The following HSBP1L1 variants were observed in gnomAD, a reference collection of about 807,000 sequenced individuals.
The protein encoded by HSBP1L1 is heat shock factor-binding protein 1-like protein 1.
In HSBP1L1, 8 loss-of-function variants were observed where a neutral mutation model predicts 9.7. That is an observed-to-expected ratio of 0.82 (90% CI 0.48 to 1.48). The LOEUF (loss-of-function observed/expected upper bound fraction) is 1.48, where lower values mean the gene tolerates loss of function less well. Ranked by LOEUF, HSBP1L1 falls within the 40% of genes most tolerant of loss-of-function variation. The pLI is 0.00. For synonymous variants in HSBP1L1, 39 were observed against 34.4 expected (o/e 1.13, Z -0.46); for missense variants, 106 against 95.8 (o/e 1.11, Z -0.44).
In HSBP1L1 at chr18:79,970,594, T is replaced by G; in HGVS notation, c.*143T>G. 1.6e-6 allele frequency: 1 copy of G among 641,248 alleles called. No individual in the cohort carries two copies. The highest frequency in any genetic ancestry group is 2.2e-5 in the Admixed American group (1 of 44,648). The allele number at this position is 641,248 out of a possible 1,614,324, so 39.7% of individuals were successfully genotyped here. ...GCTCGCCTGCTCTCCCCTCCGTGCC[T>G]GCACCAGAGAAGGAGGCCATCGGCA... On this transcript the variant is annotated 3_prime_UTR_variant, in exon 4 of 4. Coordinates refer to ENST00000451882, the MANE Select transcript of HSBP1L1 (RefSeq NM_001136180.2).
Position 79,966,603 on chromosome 18 carries a change from T to G in HSBP1L1, c.52-9T>G. On this transcript the variant is annotated splice_polypyrimidine_tract_variant and intron_variant, in intron 1 of 3. Transcript: ENST00000451882. ...ATTTATTCAATTGTCTTACGGTTTA[T>G]TTTTTCAGGCAGAAAATCTATTTCA... is the stretch of plus-strand genomic sequence containing the variant. 2 of 1,546,062 alleles carry G rather than the reference T, an allele frequency of 1.3e-6. No individual in the cohort carries two copies. Among genetic ancestry groups the G allele is most frequent in the Non-Finnish European group, 1.8e-6 (2 of 1,142,484 alleles).
At chr18:79,969,339 GAAAGAAAGAAA>G (rs1259939665) in intron 3 of HSBP1L1, among the ~76,000 whole-genome samples, 5 of 18,818 alleles carry the variant, frequency 2.7e-4, no homozygotes, top group African/African-American at 6.4e-4. Context: ...GAAAAAGAAA[GAAAGAAAGAAA>G]GAAAGAAAGA....
rs2051290030 is a variant in HSBP1L1 at position 79,970,489 on chromosome 18, G to A, written c.*38G>A. 1.4e-6 allele frequency: 1 copy of A among 718,318 alleles called. No homozygotes were observed. The highest frequency in any genetic ancestry group is 1.7e-5 in the African/African-American group (1 of 57,234). 44.5% of individuals were successfully genotyped at this position (718,318 alleles called of 1,614,324 possible). A position where few individuals can be genotyped will look rare whatever the true frequency, so the allele number is the denominator to read the frequency against. On this transcript the variant is annotated 3_prime_UTR_variant, in exon 4 of 4. Coordinates refer to ENST00000451882, the MANE Select transcript of HSBP1L1 (RefSeq NM_001136180.2). ...TGTATTTGGAGATGGGGCCTCTACA[G>A]AAGTCATTAAGGTTACATCGGTCCT...
chr18:79,969,399 A>C lies in HSBP1L1; in HGVS notation c.214-1041A>C, dbSNP rs2051282929. On this transcript the variant is annotated intron_variant, in intron 3 of 3. Coordinates refer to ENST00000451882, the MANE Select transcript of HSBP1L1 (RefSeq NM_001136180.2). ...AGAAAGAAAGAAAGAAAGAAAAAAA[A>C]ACGATGCAGAATAGCGCCCACGTTG... is the stretch of plus-strand genomic sequence containing the variant. Among the ~76,000 whole-genome samples the C allele has an allele frequency of 1.5e-5, 2 of 131,034 alleles. 1 individual carries two copies. Among genetic ancestry groups the C allele is most frequent in the Non-Finnish European group, 3.4e-5 (2 of 59,326 alleles). The allele number at this position is 131,034 out of a possible 152,430, so 86.0% of individuals were successfully genotyped here.
At chr18:79,966,913 C>A (rs919825361) in intron 2 of HSBP1L1, 2 of 390,454 alleles carry the variant, frequency 5.1e-6, no homozygotes, top group Admixed American at 4.2e-5. Flanking sequence ...CTTTGGGAGG[C>A]CGAGGTGGGC....
chr18:79,969,395 A>AAAG (rs1568356748), intron 3 of HSBP1L1, among the ~76,000 whole-genome samples: 6 of 11,462 alleles, frequency 5.2e-4, no homozygotes, highest in Non-Finnish European at 1.3e-3. Flanking sequence ...AAGAAAGAAA[A>AAAG]AAAAACGATG....
Position 79,964,740 on chromosome 18 carries a change from A to G in HSBP1L1, c.5A>G (p.Asp2Gly). The G allele has an allele frequency of 7.1e-7, 1 of 1,416,312 alleles. No homozygotes were observed. The highest frequency in any genetic ancestry group is 1.4e-5 in the South Asian group (1 of 71,306). 87.7% of individuals were successfully genotyped at this position (1,416,312 alleles called of 1,614,324 possible). A position where few individuals can be genotyped will look rare whatever the true frequency, so the allele number is the denominator to read the frequency against. Residue 2 changes from aspartate (D) to glycine (G), a missense_variant, in exon 1 of 4, where the codon GAC becomes GGC. Transcript: ENST00000451882. M[D>G]VRGPEAPGGR... ...CGCCCCCGGCCAGCGGTCCACATGG[A>G]CGTGCGGGGCCCTGAAGCCCCCGGC...
chr18:79,968,721 G>C (rs1009101561), intron 3 of HSBP1L1, among the ~76,000 whole-genome samples: 1 of 151,786 alleles, frequency 6.6e-6, no homozygotes, highest in African/African-American at 2.4e-5. Context: ...CACCCGCCTC[G>C]GCCTCCCAAA....
intron 1 of HSBP1L1, among the ~76,000 whole-genome samples, chr18:79,965,076 C>A (rs1275808924): frequency 7.1e-5 from 8 of 112,328 alleles, no homozygotes; most frequent in African/African-American, 2.9e-4. Context: ...GGGGACCCTG[C>A]GATCCTCGGG....
Position 79,964,754 on chromosome 18 carries a change from G to C in HSBP1L1, c.19G>C (p.Glu7Gln). 7.1e-7 allele frequency: 1 copy of C among 1,416,278 alleles called. No homozygotes were observed. Among genetic ancestry groups the C allele is most frequent in the Non-Finnish European group, 9.2e-7 (1 of 1,086,932 alleles). 87.7% of individuals were successfully genotyped at this position (1,416,278 alleles called of 1,614,324 possible). A position where few individuals can be genotyped will look rare whatever the true frequency, so the allele number is the denominator to read the frequency against. Residue 7 changes from glutamate (E) to glutamine (Q), a missense_variant, in exon 1 of 4, where the codon GAA becomes CAA. Coordinates refer to ENST00000451882, the MANE Select transcript of HSBP1L1 (RefSeq NM_001136180.2). The part of the protein sequence containing the change: MDVRGP[E>Q]APGGRALRDA... ...GGTCCACATGGACGTGCGGGGCCCTGAAGCCCCCGGCGGGCGCGCGCTGCG... is the reference window on the plus strand; with the variant it reads ...GGTCCACATGGACGTGCGGGGCCCTCAAGCCCCCGGCGGGCGCGCGCTGCG...
At chr18:79,966,836 A>C in intron 2 of HSBP1L1, 158 bp downstream of exon 2, 1 of 600,708 alleles carries the variant, frequency 1.7e-6, no homozygotes, top group Non-Finnish European at 2.9e-6. Flanking sequence ...TGTGTTAATT[A>C]CCCCTCACCT....
rs937019096 is a variant in HSBP1L1, at chr18:79,964,778, C to A, written c.43C>A (p.Arg15=). Residue 15 remains arginine, a synonymous_variant, in exon 1 of 4, where the codon CGG becomes AGG. Transcript: ENST00000451882. ...GPEAPGGRAL[R]DAAENLFQEL... ...TGAAGCCCCCGGCGGGCGCGCGCTG[C>A]GGGACGCGGTGAGCCCCTCCCCGAC... The A allele has an allele frequency of 3.1e-5, 44 of 1,403,256 alleles. No individual in the cohort carries two copies. Among genetic ancestry groups the A allele is most frequent in the Non-Finnish European group, 3.8e-5 (41 of 1,079,352 alleles). 86.9% of individuals were successfully genotyped at this position (1,403,256 alleles called of 1,614,324 possible).
chr18:79,968,151 G>A lies in HSBP1L1; in HGVS notation c.181G>A (p.Ala61Thr). ...QKNVKDLMVQ[A>T]GIENSIKEQM... The stretch of plus-strand genomic sequence containing the variant: ...GAATGTCAAGGACTTAATGGTGCAA[G>A]CTGGCATTGAAAATTCTATTAAAGA... The change falls in exon 3 of 4, where the codon GCT becomes ACT. Residue 61 changes from alanine to threonine, a missense_variant. Transcript: ENST00000451882. 1 of 1,547,774 alleles carries A rather than the reference G, an allele frequency of 6.5e-7. No homozygotes were observed. The highest frequency in any genetic ancestry group is 8.7e-7 in the Non-Finnish European group (1 of 1,144,482).
At chr18:79,966,807 C>A in intron 2 of HSBP1L1, 129 bp downstream of exon 2, 2 of 707,072 alleles carry the variant, frequency 2.8e-6, no homozygotes, top group East Asian at 2.8e-5. Context: ...TACTTCTGTG[C>A]TTTTATGTGG....
At chr18:79,969,979 A>G (rs2051286629) in intron 3 of HSBP1L1, 1 of 163,864 alleles carries the variant, frequency 6.1e-6, no homozygotes, top group Admixed American at 5.8e-5. Flanking sequence ...AGCTGCCACA[A>G]GTAATTTCTG....
Position 79,964,773 on chromosome 18 carries a change from CG to C in HSBP1L1, c.39del (p.Leu14CysfsTer19), listed in dbSNP as rs1192652911. ...VRGPEAPGGR[A>X]LRDAAENLFQ... ...GGCCCTGAAGCCCCCGGCGGGCGCG[CG>C]CTGCGGGACGCGGTGAGCCCCTCCC... On this transcript the variant is annotated frameshift_variant, in exon 1 of 4. Transcript: ENST00000451882. LOFTEE classifies it high-confidence loss of function. 2.1e-6 allele frequency: 3 copies of C among 1,406,080 alleles called. No individual in the cohort carries two copies. The highest frequency in any genetic ancestry group is 2.8e-6 in the Non-Finnish European group (3 of 1,081,040). 87.1% of individuals were successfully genotyped at this position (1,406,080 alleles called of 1,614,324 possible).
Position 79,970,462 on chromosome 18 carries a change from T to C in HSBP1L1, c.*11T>C, listed in dbSNP as rs1277174993. ...TAGCTGAAGACCTAACTGCAGCATG[T>C]CTGTATTTGGAGATGGGGCCTCTAC... On this transcript the variant is annotated 3_prime_UTR_variant, in exon 4 of 4. Coordinates refer to ENST00000451882, the MANE Select transcript of HSBP1L1 (RefSeq NM_001136180.2). 2.8e-6 allele frequency: 2 copies of C among 718,554 alleles called. No homozygotes were observed. Among genetic ancestry groups the C allele is most frequent in the Non-Finnish European group, 5.2e-6 (2 of 385,042 alleles). 44.5% of individuals were successfully genotyped at this position (718,554 alleles called of 1,614,324 possible).
At chr18:79,969,345 A>G (rs2051279559) in intron 3 of HSBP1L1, among the ~76,000 whole-genome samples, 1 of 38,528 alleles carries the variant, frequency 2.6e-5, no homozygotes, top group Non-Finnish European at 6.3e-5. Flanking sequence ...GAAAGAAAGA[A>G]AGAAAGAAAG....
Position 79,965,765 on chromosome 18 carries a change from G to A in HSBP1L1, c.52-847G>A, listed in dbSNP as rs71367565. Among the ~76,000 whole-genome samples the A allele has an allele frequency of 5.6e-4, 85 of 152,084 alleles. 1 individual carries two copies. Among genetic ancestry groups the A allele is most frequent in the Non-Finnish European group, 9.7e-4 (66 of 68,024 alleles). On this transcript the variant is annotated intron_variant, in intron 1 of 3. Transcript: ENST00000451882. ...GTGTGTGATCTCCTGCATTCATGGT[G>A]TGTGGTGTGAGGAGGGGGATGGGTC...
Sources: allele counts gnomAD v4.1 joint callset (sites outside exome capture counted in the v4.1 genomes callset), GRCh38; gene constraint gnomAD v4.1.1; transcripts MANE v1.5; gene names NCBI Gene and HGNC (gene_info 2026-07-23, HGNC 2026-07-21).